Variants in LRRTM4 observed in about 807,000 individuals in gnomAD.
LRRTM4 encodes the protein leucine rich repeat transmembrane neuronal 4, also known as leucine-rich repeat transmembrane neuronal protein 4.
In LRRTM4, 25 loss-of-function variants were observed where a neutral mutation model predicts 47.6. The ratio of observed to expected loss-of-function variants is 0.53; its 90% CI spans 0.38 to 0.73. The LOEUF (loss-of-function observed/expected upper bound fraction) is 0.73. Among genes scored for constraint, LRRTM4 ranks in the 30% least tolerant of loss-of-function variants. LRRTM4 has a pLI of 0.00. For synonymous variants in LRRTM4, 311 were observed against 269.5 expected, an observed-to-expected ratio of 1.15 and a Z score of -1.51; for missense variants, 638 against 713.4, an observed-to-expected ratio of 0.89 and a Z score of 1.20.
intron 3 of LRRTM4, among the ~76,000 whole-genome samples, chr2:77,213,640 A>G (rs1010333306): frequency 1.3e-5 from 2 of 152,138 alleles, no homozygotes; most frequent in Non-Finnish European, 2.9e-5. Context: ...CTGCTTCTTC[A>G]TGAGCTATCT....
intron 3 of LRRTM4, among the ~76,000 whole-genome samples, chr2:77,028,494 C>T (rs991646783): frequency 1.3e-5 from 2 of 151,964 alleles, no homozygotes; most frequent in African/African-American, 4.8e-5. Context: ...AAAAATTTCA[C>T]TTGAAAACTG....
intron 3 of LRRTM4, among the ~76,000 whole-genome samples, chr2:76,812,673 CTCTTTCTTTCTT>C (rs5832252): frequency 6.8e-6 from 1 of 147,818 alleles, no homozygotes; most frequent in Non-Finnish European, 1.5e-5. Context: ...TACAAATAAG[CTCTTTCTTTCTT>C]TCTTTCTTTC....
intron 3 of LRRTM4, among the ~76,000 whole-genome samples, chr2:76,941,077 G>C (rs953471840): frequency 6.6e-6 from 1 of 151,976 alleles, no homozygotes; most frequent in Non-Finnish European, 1.5e-5. Flanking sequence ...CAGAATATGA[G>C]AAGGCAATGA....
intron 3 of LRRTM4, among the ~76,000 whole-genome samples, chr2:76,910,846 CCTAT>C (rs1271006043): frequency 6.6e-6 from 1 of 152,114 alleles, no homozygotes; most frequent in Non-Finnish European, 1.5e-5. Flanking sequence ...GTCATTAGAG[CCTAT>C]CTGTCTTTTC....
intron 3 of LRRTM4, among the ~76,000 whole-genome samples, chr2:77,052,406 A>G (rs1223529544): frequency 1.3e-5 from 2 of 151,694 alleles, no homozygotes; most frequent in African/African-American, 4.8e-5. Context: ...TGACCTCAGG[A>G]GATCCACCCG....
At chr2:77,334,243 T>C (rs1482590626) in intron 3 of LRRTM4, among the ~76,000 whole-genome samples, 1 of 152,056 alleles carries the variant, frequency 6.6e-6, no homozygotes, top group Non-Finnish European at 1.5e-5. Context: ...CTGAAATGAG[T>C]TAAGACTTTG....
chr2:77,223,376 A>C (rs945952357), intron 3 of LRRTM4, among the ~76,000 whole-genome samples: 2 of 152,208 alleles, frequency 1.3e-5, no homozygotes, highest in African/African-American at 2.4e-5. Flanking sequence ...AGGCAGTAGA[A>C]GGAAATAAAA....
At chr2:76,853,924 T>G (rs62173102) in intron 3 of LRRTM4, among the ~76,000 whole-genome samples, 22,151 of 152,172 alleles carry the variant, frequency 0.15, 2,032 homozygotes, top group Admixed American at 0.22. Context: ...CTCCCAGTTG[T>G]GGATATTGTT....
At chr2:77,410,735 C>T (rs1674386455) in intron 3 of LRRTM4, among the ~76,000 whole-genome samples, 1 of 152,180 alleles carries the variant, frequency 6.6e-6, no homozygotes, top group Admixed American at 6.5e-5. Context: ...ATATTAAAAT[C>T]ATCTGGTGAA....
At chr2:77,398,123 T>A (rs1200663974) in intron 3 of LRRTM4, among the ~76,000 whole-genome samples, 1 of 151,908 alleles carries the variant, frequency 6.6e-6, no homozygotes, top group African/African-American at 2.4e-5. Flanking sequence ...TCTCTCTGTA[T>A]AATTATTCCA....
chr2:77,409,962 G>A (rs554523754), intron 3 of LRRTM4, among the ~76,000 whole-genome samples: 1 of 152,232 alleles, frequency 6.6e-6, no homozygotes, highest in East Asian at 1.9e-4. Context: ...CCTGAATAGA[G>A]ACAGCCCAGA....
At position 77,137,498 on chromosome 2, in the gene LRRTM4, C is replaced by T. The variant is rs189229159; in HGVS notation, c.1551+380820G>A. 2.0e-3 allele frequency among the ~76,000 whole-genome samples: 301 copies of T among 151,388 alleles called. 4 individuals carry two copies. The highest frequency in any genetic ancestry group is 0.017 in the Middle Eastern group (5 of 292). Reference sequence around the variant, plus strand: ...AGCGCTAAACATGGAAAGGAACAATCAGTACCAGCCACTGCAAAAACATGC... The same window carrying T: ...AGCGCTAAACATGGAAAGGAACAATTAGTACCAGCCACTGCAAAAACATGC... On this transcript the variant is annotated intron_variant, in intron 3 of 3. Transcript: ENST00000409884.
chr2:77,310,045 C>CA (rs556588063), intron 3 of LRRTM4, among the ~76,000 whole-genome samples: 32 of 151,634 alleles, frequency 2.1e-4, no homozygotes, highest in South Asian at 4.2e-4. Context: ...TTGCTCTTTA[C>CA]AAAAAAAACT....
intron 3 of LRRTM4, among the ~76,000 whole-genome samples, chr2:77,306,242 G>A (rs1027441617): frequency 3.9e-5 from 6 of 152,150 alleles, no homozygotes; most frequent in African/African-American, 1.4e-4. Flanking sequence ...TTGCCTTTGT[G>A]ATATATAAGA....
chr2:77,509,750 G>C (rs1678913282), intron 3 of LRRTM4, among the ~76,000 whole-genome samples: 1 of 152,044 alleles, frequency 6.6e-6, no homozygotes, highest in Admixed American at 6.6e-5. Flanking sequence ...ATTTCAACAA[G>C]TTACTTGGAA....
chr2:77,309,118 T>C (rs1259567541), intron 3 of LRRTM4, among the ~76,000 whole-genome samples: 1 of 152,008 alleles, frequency 6.6e-6, no homozygotes, highest in Non-Finnish European at 1.5e-5. Flanking sequence ...AAAGCAGAAA[T>C]AGAGCAACTT....
At chr2:77,237,511 G>A (rs934517923) in intron 3 of LRRTM4, among the ~76,000 whole-genome samples, 4 of 152,002 alleles carry the variant, frequency 2.6e-5, no homozygotes, top group Admixed American at 2.0e-4. Flanking sequence ...CCAACTTTCA[G>A]CTTTGTTGAT....
chr2:76,810,715 T>C (rs1573150657), intron 3 of LRRTM4, among the ~76,000 whole-genome samples: 1 of 152,324 alleles, frequency 6.6e-6, no homozygotes, highest in East Asian at 1.9e-4. Context: ...TTTGTTTTAC[T>C]AAAATATTAA....
At chr2:77,329,170 G>C (rs1670883166) in intron 3 of LRRTM4, among the ~76,000 whole-genome samples, 1 of 152,172 alleles carries the variant, frequency 6.6e-6, no homozygotes, top group African/African-American at 2.4e-5. Flanking sequence ...TCAGTTACTA[G>C]TTATAATATA....
Sources: allele counts gnomAD v4.1 joint callset (sites outside exome capture counted in the v4.1 genomes callset), GRCh38; gene constraint gnomAD v4.1.1; transcripts MANE v1.5; gene names NCBI Gene and HGNC (gene_info 2026-07-23, HGNC 2026-07-21).